ANKRD11: variants seen among roughly 807,000 people sequenced by gnomAD.
ANKRD11 encodes ankyrin repeat domain 11, also known as ankyrin repeat domain-containing protein 11.
A neutral mutation model predicts 195.7 loss-of-function variants in ANKRD11; 17 were observed. That is an observed-to-expected ratio of 0.09 (90% CI 0.06 to 0.13). The LOEUF is 0.13. ANKRD11 is among the 10% of genes least tolerant of loss of function. ANKRD11 has a pLI of 1.00. For synonymous variants in ANKRD11, 1,953 were observed against 1,528.1 expected, an observed-to-expected ratio of 1.28 and a Z score of -6.49; for missense variants, 3,735 against 3,566.1, an observed-to-expected ratio of 1.05 and a Z score of -1.21.
Position 89,281,922 on chromosome 16 carries a change from T to G in ANKRD11, c.4620A>C (p.Lys1540Asn). 6.2e-7 allele frequency: 1 copy of G among 1,613,348 alleles called. No individual in the cohort carries two copies. Among genetic ancestry groups the G allele is most frequent in the South Asian group, 1.1e-5 (1 of 91,082 alleles). ...TCATCTTCACTGGGTCGCCCTTTTCTTTCTCTGCACCGTCCTTGAATTTCT... is the reference window on the plus strand; with the variant it reads ...TCATCTTCACTGGGTCGCCCTTTTCGTTCTCTGCACCGTCCTTGAATTTCT... ...LKEKFKDGAE[K>N]EKGDPVKMSN... The change falls in exon 9 of 13, where the codon AAA (lysine) becomes AAC (asparagine). Residue 1540 changes from lysine (K) to asparagine (N), a missense_variant. Transcript: ENST00000301030. This position sits in a 1 kb window ranked among gnomAD's most constrained non-coding sequence, Gnocchi z 5.5.
At chr16:89,286,249 C>T in intron 7 of ANKRD11, 63 bp from the exon 8 acceptor site, 1 of 1,596,870 alleles carries the variant, frequency 6.3e-7, no homozygotes, top group South Asian at 1.1e-5. Context: ...TACCGTTCCG[C>T]ATAACACGGC....
intron 1 of ANKRD11, among the ~76,000 whole-genome samples, chr16:89,457,367 G>C (rs1159365766): frequency 1.3e-5 from 2 of 151,550 alleles, no homozygotes; most frequent in African/African-American, 2.4e-5. Flanking sequence ...GGGAGGATGA[G>C]GTGGGCAGAT....
chr16:89,485,430 G>GAGGTCAC (rs2057580083), intron 1 of ANKRD11, among the ~76,000 whole-genome samples: 1 of 152,066 alleles, frequency 6.6e-6, no homozygotes, highest in South Asian at 2.1e-4. Context: ...GGAGGCAGAG[G>GAGGTCAC]TTGCTATGAC....
rs763538904 is a variant in ANKRD11, at chr16:89,279,783, G to A, written c.6759C>T (p.Ser2253=). ...PVPPEQRPLG[S]GDQGAEAEGP... is the part of the protein sequence containing the mutation. ...CTTCAGCCTCAGCCCCCTGGTCTCC[G>A]CTCCCCAGTGGGCGCTGTTCTGGGG... Residue 2253 remains serine (S), a synonymous_variant, in exon 9 of 13, where the codon AGC becomes AGT. Transcript: ENST00000301030. The surrounding 1 kb of genome is among the most constrained non-coding windows in gnomAD (Gnocchi z 5.6). 10 of 1,533,514 alleles carry A rather than the reference G, an allele frequency of 6.5e-6. No individual in the cohort carries two copies. Among genetic ancestry groups the A allele is most frequent in the East Asian group, 4.9e-5 (2 of 40,826 alleles). 95.0% of individuals were successfully genotyped at this position (1,533,514 alleles called of 1,614,324 possible). A position where few individuals can be genotyped will look rare whatever the true frequency, so the allele number is the denominator to read the frequency against.
At chr16:89,438,493 T>TG (rs1332644468) in intron 1 of ANKRD11, among the ~76,000 whole-genome samples, 1 of 152,022 alleles carries the variant, frequency 6.6e-6, no homozygotes, top group Non-Finnish European at 1.5e-5. Context: ...CTAATTTGTG[T>TG]GTGTGTGTGC....
At chr16:89,486,590 T>C (rs1279763373) in intron 1 of ANKRD11, among the ~76,000 whole-genome samples, 1 of 152,136 alleles carries the variant, frequency 6.6e-6, no homozygotes, top group African/African-American at 2.4e-5. Context: ...CTATGGCACA[T>C]GGCCCAACTG....
At chr16:89,460,891 G>T (rs1276722548) in intron 1 of ANKRD11, among the ~76,000 whole-genome samples, 2 of 151,716 alleles carry the variant, frequency 1.3e-5, no homozygotes, top group Admixed American at 6.6e-5. Flanking sequence ...GACAAATATT[G>T]TATGACCCCC....
chr16:89,274,003 T>G (rs1226742189), intron 11 of ANKRD11, among the ~76,000 whole-genome samples: 3 of 152,180 alleles, frequency 2.0e-5, no homozygotes, highest in Non-Finnish European at 2.9e-5. Flanking sequence ...GCCCACAACC[T>G]GAGCGCAGTG....
In ANKRD11 at chr16:89,280,339, T is replaced by A; in HGVS notation, c.6203A>T (p.Asn2068Ile). Residue 2068 changes from asparagine to isoleucine, a missense_variant, in exon 9 of 13, where the codon AAC (asparagine) becomes ATC (isoleucine). By Grantham distance (149) the Asn-to-Ile change is moderately radical. Coordinates refer to ENST00000301030, the MANE Select transcript of ANKRD11 (RefSeq NM_013275.6). ...PPSGLESFFS[N>I]CKSLPEAPLD... ...CGGGGCTTCCGGAAGTGACTTGCAG[T>A]TGCTGAAGAAGGACTCCAGCCCGGA... 6.3e-7 allele frequency: 1 copy of A among 1,578,980 alleles called. No homozygotes were observed. The highest frequency in any genetic ancestry group is 8.6e-7 in the Non-Finnish European group (1 of 1,162,558).
At chr16:89,380,116 TG>T (rs1327185899) in intron 2 of ANKRD11, among the ~76,000 whole-genome samples, 3 of 151,798 alleles carry the variant, frequency 2.0e-5, no homozygotes, top group African/African-American at 7.3e-5. Flanking sequence ...CAATGATGCC[TG>T]TTTTTTTCTT....
In ANKRD11 at chr16:89,279,508, G is replaced by T; in HGVS notation, c.7034C>A (p.Ala2345Glu). 2.2e-6 allele frequency: 3 copies of T among 1,356,532 alleles called. No homozygotes were observed. The East Asian group carries it at 7.5e-5, about 34-fold the overall frequency. 84.0% of individuals were successfully genotyped at this position (1,356,532 alleles called of 1,614,324 possible). ...GGGCGGGCCCTGCTTGCTCTGGTTC[G>T]CGAGCATCTGCGCCCGGTTCCTGGT... ...RMTRNRAQML[A>E]NQSKQGPPPS... The change falls in exon 9 of 13, where the codon GCG becomes GAG. Residue 2345 changes from alanine to glutamate, a missense_variant. Physicochemically the swap from Ala to Glu is moderately radical, Grantham distance 107 (BLOSUM62 -1). Coordinates refer to ENST00000301030, the MANE Select transcript of ANKRD11 (RefSeq NM_013275.6). The surrounding 1 kb of genome is among the most constrained non-coding windows in gnomAD (Gnocchi z 5.6).
chr16:89,414,037 C>A (rs2042201583), intron 2 of ANKRD11, among the ~76,000 whole-genome samples: 3 of 149,438 alleles, frequency 2.0e-5, no homozygotes, highest in South Asian at 4.2e-4. Context: ...CCTGCACACC[C>A]TCCGCCACGG....
At chr16:89,274,044 G>T (rs1222942587) in intron 11 of ANKRD11, among the ~76,000 whole-genome samples, 1 of 152,202 alleles carries the variant, frequency 6.6e-6, no homozygotes, top group Non-Finnish European at 1.5e-5. Context: ...GGCTGATGCA[G>T]GCGAGGCAAC....
chr16:89,370,367 G>A (rs868271888), intron 2 of ANKRD11, among the ~76,000 whole-genome samples: 22 of 152,222 alleles, frequency 1.4e-4, no homozygotes, highest in Admixed American at 5.2e-4. Flanking sequence ...AGGCGTGCCC[G>A]GTACCTGCCC....
intron 2 of ANKRD11, among the ~76,000 whole-genome samples, chr16:89,367,126 C>T (rs764488862): frequency 6.6e-6 from 1 of 152,188 alleles, no homozygotes; most frequent in Non-Finnish European, 1.5e-5. Context: ...ACTACCTCAA[C>T]TCTCCACCCC....
intron 2 of ANKRD11, among the ~76,000 whole-genome samples, chr16:89,389,820 A>T (rs2041094449): frequency 7.0e-6 from 1 of 142,630 alleles, no homozygotes. Context: ...AGAGAAGATC[A>T]CTAGGGCAAA....
At chr16:89,270,678 G>A (rs528339971) in intron 12 of ANKRD11, 139 bp downstream of exon 12, 4 of 845,560 alleles carry the variant, frequency 4.7e-6, no homozygotes, top group South Asian at 4.3e-5. Context: ...CAGATTAAGA[G>A]AATCTGAAAT....
At chr16:89,476,677 G>A (rs1289287276) in intron 1 of ANKRD11, among the ~76,000 whole-genome samples, 1 of 152,136 alleles carries the variant, frequency 6.6e-6, no homozygotes, top group Non-Finnish European at 1.5e-5. Context: ...TCTCCTCCTT[G>A]GTCTCACAGC....
At chr16:89,274,447 G>A (rs1174068203) in intron 11 of ANKRD11, among the ~76,000 whole-genome samples, 3 of 152,032 alleles carry the variant, frequency 2.0e-5, no homozygotes, top group African/African-American at 2.4e-5. Context: ...GGGTGCCTGA[G>A]AGCAGCAGGT....
Sources: allele counts gnomAD v4.1 joint callset (sites outside exome capture counted in the v4.1 genomes callset), GRCh38; gene constraint gnomAD v4.1.1; non-coding constraint Gnocchi (gnomAD v3.1); transcripts MANE v1.5; gene names NCBI Gene and HGNC (gene_info 2026-07-23, HGNC 2026-07-21).